C2CD3: variants seen among roughly 807,000 people sequenced by gnomAD.
C2CD3 encodes the protein C2 domain-containing protein 3.
In C2CD3, 148 loss-of-function variants were observed where a neutral mutation model predicts 234.0. The observed-to-expected ratio is 0.63, with a 90% CI of 0.55 to 0.72. The LOEUF (loss-of-function observed/expected upper bound fraction) is 0.72. Ranked by LOEUF, C2CD3 falls within the 30% of genes least tolerant of loss-of-function variation. The pLI is 0.00. For missense variants in C2CD3, 2,577 were observed against 2,811.5 expected, an observed-to-expected ratio of 0.92 and a Z score of 1.89; for synonymous variants, 1,000 against 1,035.4, an observed-to-expected ratio of 0.97 and a Z score of 0.66.
Position 74,013,477 on chromosome 11 carries a change from G to A in C2CD3, c.6970C>T (p.Pro2324Ser). Reference sequence around the variant, plus strand: ...TTGAGGGGGAGCGAGTTAGGTCTGGGGCGACAAGGCCTTTGGGAGAGAGCT... The same window carrying A: ...TTGAGGGGGAGCGAGTTAGGTCTGGAGCGACAAGGCCTTTGGGAGAGAGCT... Reference protein sequence around the residue: ...RGALSQRPCRPRPNSLPLNLP... With the variant: ...RGALSQRPCRSRPNSLPLNLP... Residue 2324 changes from proline to serine, a missense_variant, in exon 33 of 33, where the codon CCC becomes TCC. Physicochemically the swap from Pro to Ser is moderately conservative, Grantham distance 74 (BLOSUM62 -1). Coordinates refer to ENST00000334126, the MANE Select transcript of C2CD3 (RefSeq NM_001286577.2). 1 of 1,417,262 alleles carries A rather than the reference G, an allele frequency of 7.1e-7. No homozygotes were observed. The allele number at this position is 1,417,262 out of a possible 1,614,324, so 87.8% of individuals were successfully genotyped here.
At position 74,133,182 on chromosome 11, in the gene C2CD3, T is replaced by C. The variant is rs115050880; in HGVS notation, c.1089-210A>G. On this transcript the variant is annotated intron_variant, in intron 6 of 32. Transcript: ENST00000334126. ...GTGAGGTAGGGAGAGAATATCCCCA[T>C]TTTACATCCAAGGATACCAGTTCGG... 0.012 allele frequency among the ~76,000 whole-genome samples: 1,833 copies of C among 152,280 alleles called. 37 individuals carry two copies. Among genetic ancestry groups the C allele is most frequent in the African/African-American group, 0.042 (1,755 of 41,560 alleles).
In C2CD3 at chr11:74,113,826, C is replaced by A; in HGVS notation, c.1797G>T (p.Leu599Phe). 6.2e-7 allele frequency: 1 copy of A among 1,612,968 alleles called. No individual in the cohort carries two copies. Among genetic ancestry groups the A allele is most frequent in the South Asian group, 1.1e-5 (1 of 90,866 alleles). The change falls in exon 11 of 33, where the codon TTG becomes TTT. Residue 599 changes from leucine to phenylalanine, a missense_variant. Physicochemically the swap from Leu to Phe is conservative, Grantham distance 22. Transcript: ENST00000334126. ...FSESGLGKTA[L>F]ITEVVRLASS... ...AGGCGAGTCGAACAACCTCAGTGAT[C>A]AAAGCTGTCTTTCCCAATCCGCTTT...
In C2CD3 at chr11:74,093,875, A is replaced by G; in HGVS notation, c.3285T>C (p.Ser1095=). ...GCACGAGGCCCTGTGCAGAGAAAGC[A>G]CTTAGTAGGAGCCTTTGCACTGGAA... is the stretch of plus-strand genomic sequence containing the variant. The part of the protein sequence containing the change: ...AEVPVQRLLL[S]AFSAQGLVPG... Residue 1095 remains serine, a synonymous_variant, in exon 18 of 33, where the codon AGT becomes AGC. Transcript: ENST00000334126. 1.2e-6 allele frequency: 2 copies of G among 1,614,082 alleles called. No homozygotes were observed. The highest frequency in any genetic ancestry group is 1.1e-5 in the South Asian group (1 of 91,076).
rs375640079 is a variant in C2CD3, at chr11:74,078,487, T to C, written c.4231A>G (p.Thr1411Ala). The stretch of plus-strand genomic sequence containing the variant: ...TGGATGGGCAGCCACAGCCTTGGGG[T>C]GGAGATGGTGACAGTGGCTGGCTCC... ...EGEPATVTIS[T>A]PRLWLPIHCV... is the part of the protein sequence containing the mutation. Residue 1411 changes from threonine to alanine, a missense_variant, in exon 23 of 33, where the codon ACC becomes GCC. Transcript: ENST00000334126. 3.1e-6 allele frequency: 5 copies of C among 1,613,968 alleles called. No individual in the cohort carries two copies. In the African/African-American group the frequency reaches 6.7e-5, roughly 22 times the overall value.
In C2CD3 at chr11:74,085,785, C is replaced by T. The variant is rs750302216; in HGVS notation, c.3743G>A (p.Arg1248His). ...HLSFLPQGEQRRTHPVACSFC... is the reference protein window; with the variant it reads ...HLSFLPQGEQHRTHPVACSFC... ...AGAACAGGCCACAGGGTGGGTTCGG[C>T]GCTGTTCTCCCTGGGGCAGGAAGGA... The change falls in exon 21 of 33, where the codon CGC (arginine) becomes CAC (histidine). Residue 1248 changes from arginine (R) to histidine (H), a missense_variant. By Grantham distance (29) the Arg-to-His change is conservative (BLOSUM62 0). Transcript: ENST00000334126. The T allele has an allele frequency of 2.9e-5, 47 of 1,613,952 alleles. 1 individual carries two copies. Among genetic ancestry groups the T allele is most frequent in the Middle Eastern group, 3.3e-4 (2 of 6,084 alleles).
chr11:74,019,065 G>GT (rs1951984378), intron 32 of C2CD3, among the ~76,000 whole-genome samples: 1 of 151,958 alleles, frequency 6.6e-6, no homozygotes, highest in East Asian at 1.9e-4. Context: ...TTTTTTGTTT[G>GT]TTTTTTTAAA....
intron 3 of C2CD3, among the ~76,000 whole-genome samples, chr11:74,150,522 A>ACAAAAC (rs1217797296): frequency 9.4e-5 from 6 of 63,540 alleles, no homozygotes; most frequent in Non-Finnish European, 1.9e-4. Flanking sequence ...AAAACAAAAA[A>ACAAAAC]AAAACAAAAC....
At chr11:74,014,079 C>CAGGG (rs1387555210) in intron 32 of C2CD3, among the ~76,000 whole-genome samples, 1 of 152,188 alleles carries the variant, frequency 6.6e-6, no homozygotes. Context: ...CTCTGGCTGA[C>CAGGG]AGGGCATCAC....
intron 3 of C2CD3, among the ~76,000 whole-genome samples, chr11:74,155,631 G>T: frequency 6.6e-6 from 1 of 152,000 alleles, no homozygotes; most frequent in South Asian, 2.1e-4. Context: ...AATGAAAAAA[G>T]CCAATCGCAA....
At chr11:74,072,354 A>T (rs1208479990) in intron 24 of C2CD3, among the ~76,000 whole-genome samples, 2 of 152,228 alleles carry the variant, frequency 1.3e-5, no homozygotes, top group Non-Finnish European at 2.9e-5. Context: ...ATGAGAGATA[A>T]ATAATAGTTA....
chr11:74,119,063 C>T (rs1478258052), intron 8 of C2CD3, among the ~76,000 whole-genome samples: 1 of 151,958 alleles, frequency 6.6e-6, no homozygotes, highest in Admixed American at 6.6e-5. Context: ...ACATGAGCCA[C>T]CACACCTGAC....
intron 11 of C2CD3, 24 bp downstream of exon 11, chr11:74,113,756 G>A (rs754351661): frequency 7.0e-6 from 9 of 1,279,160 alleles, no homozygotes; most frequent in African/African-American, 4.4e-5. Context: ...TGTCTAAGGT[G>A]CAGAAAACCA....
At position 74,170,802 on chromosome 11, in the gene C2CD3, G is replaced by C; in HGVS notation, c.-10C>G. On this transcript the variant is annotated 5_prime_UTR_variant, in exon 1 of 33. Transcript: ENST00000334126. ...CTTTTCGTTGTTTCATGATGAGCCC[G>C]AGCTCTTCTTCACCAGCTCAACTCC... 1.9e-6 allele frequency: 3 copies of C among 1,614,098 alleles called. No homozygotes were observed. The highest frequency in any genetic ancestry group is 1.6e-4 in the Middle Eastern group (1 of 6,062).
At chr11:74,130,613 TG>T (rs1344499859) in intron 7 of C2CD3, among the ~76,000 whole-genome samples, 2 of 152,208 alleles carry the variant, frequency 1.3e-5, no homozygotes, top group Non-Finnish European at 2.9e-5. Context: ...CCCCATTGAT[TG>T]GTCTTCACAG....
At chr11:74,067,016 C>T (rs1385861531) in intron 24 of C2CD3, among the ~76,000 whole-genome samples, 1 of 152,114 alleles carries the variant, frequency 6.6e-6, no homozygotes, top group Non-Finnish European at 1.5e-5. Flanking sequence ...CATAATACAA[C>T]CATATTTGTA....
chr11:74,097,753 A>G (rs1956163611), intron 16 of C2CD3, among the ~76,000 whole-genome samples: 1 of 152,206 alleles, frequency 6.6e-6, no homozygotes, highest in Non-Finnish European at 1.5e-5. Flanking sequence ...AAGCCAGTAA[A>G]TTAGATAATT....
chr11:74,148,568 T>C (rs1855375575), intron 3 of C2CD3, among the ~76,000 whole-genome samples: 1 of 152,186 alleles, frequency 6.6e-6, no homozygotes, highest in Admixed American at 6.5e-5. Flanking sequence ...TGATTTCTTT[T>C]ACAGCCAGTC....
At chr11:74,154,171 G>A (rs902978022) in intron 3 of C2CD3, among the ~76,000 whole-genome samples, 22 of 152,054 alleles carry the variant, frequency 1.4e-4, no homozygotes, top group African/African-American at 5.3e-4. Flanking sequence ...AGATTTCTTA[G>A]GTAGGCCTGA....
At chr11:74,112,450 T>C (rs894841273) in intron 11 of C2CD3, among the ~76,000 whole-genome samples, 2 of 151,336 alleles carry the variant, frequency 1.3e-5, no homozygotes, top group African/African-American at 4.9e-5. Context: ...AAAAAACAGA[T>C]AAACTAGAGT....
Sources: allele counts gnomAD v4.1 joint callset (sites outside exome capture counted in the v4.1 genomes callset), GRCh38; gene constraint gnomAD v4.1.1; transcripts MANE v1.5; gene names NCBI Gene and HGNC (gene_info 2026-07-23, HGNC 2026-07-21).